Variants in AMZ1 observed in about 807,000 individuals in gnomAD.
AMZ1 encodes the protein archaelysin family metallopeptidase 1, also known as archaemetzincin-1.
Under a neutral mutation model 29.9 loss-of-function variants are expected in AMZ1, and 39 were observed. The ratio of observed to expected loss-of-function variants is 1.30; its 90% CI spans 1.01 to 1.70. The LOEUF is 1.70. AMZ1 is among the 40% of genes most tolerant of loss of function. The pLI, the probability that AMZ1 is intolerant of heterozygous loss-of-function variation, is 0.00. For synonymous variants in AMZ1, 458 were observed against 304.0 expected, an observed-to-expected ratio of 1.51 and a Z score of -5.27; for missense variants, 1,041 against 680.6, an observed-to-expected ratio of 1.53 and a Z score of -5.89.
Position 2,712,436 on chromosome 7 carries a change from T to C in AMZ1, c.1055T>C (p.Met352Thr), listed in dbSNP as rs1390505013. ...DTPPASADSG[M>T]CCESDSEPGT... is the part of the protein sequence containing the mutation. ...CCGCCTGCCAGCGCCGACTCGGGCA[T>C]GTGCTGTGAGAGTGACTCGGAGCCC... is the stretch of plus-strand genomic sequence containing the variant. Residue 352 changes from methionine (M) to threonine (T), a missense_variant, in exon 7 of 7, where the codon ATG (methionine) becomes ACG (threonine). Physicochemically the swap from Met to Thr is moderately conservative, Grantham distance 81. Transcript: ENST00000683327. 2 of 1,612,022 alleles carry C rather than the reference T, an allele frequency of 1.2e-6. No homozygotes were observed. The highest frequency in any genetic ancestry group is 2.2e-5 in the South Asian group (2 of 91,040).
At chr7:2,729,919 A>G (rs1346890683) in intron 4 of AMZ1, 1 of 152,390 alleles carries the variant, frequency 6.6e-6, no homozygotes, top group East Asian at 1.9e-4. Context: ...GCTCGTATCA[A>G]CATTCACAGG....
chr7:2,682,199 C>T (rs556170392), intron 1 of AMZ1, among the ~76,000 whole-genome samples: 7 of 151,984 alleles, frequency 4.6e-5, no homozygotes, highest in Non-Finnish European at 1.0e-4. Flanking sequence ...TCTGGGAGCT[C>T]GCCCTGCTTG....
chr7:2,701,844 C>G lies in AMZ1; in HGVS notation c.305-878C>G, dbSNP rs115999735. Among the ~76,000 whole-genome samples, 6 of 152,338 alleles carry G rather than the reference C, an allele frequency of 3.9e-5. No homozygotes were observed. In the East Asian group the frequency reaches 1.2e-3, roughly 29 times the overall value. On this transcript the variant is annotated intron_variant, in intron 2 of 6. Transcript: ENST00000683327. The stretch of plus-strand genomic sequence containing the variant: ...TCAGGACCCAAATCCTGCGGGTGTC[C>G]GTTGGTCTCAGCATCCACCACCCCA...
intron 1 of AMZ1, among the ~76,000 whole-genome samples, chr7:2,698,594 T>C (rs798476): frequency 0.59 from 89,876 of 151,616 alleles, 28,168 homozygotes; most frequent in African/African-American, 0.82. Context: ...TGACGCACTT[T>C]GGGAGGTTGA....
intron 1 of AMZ1, among the ~76,000 whole-genome samples, chr7:2,689,365 C>T (rs958214330): frequency 1.4e-5 from 2 of 141,438 alleles, no homozygotes; most frequent in African/African-American, 5.0e-5. Flanking sequence ...GCGGCAGAAC[C>T]TCCCTGGGGG....
rs1419260370 is a variant in AMZ1 at position 2,715,255 on chromosome 7, G to A, written c.*2377G>A. The A allele has an allele frequency of 2.6e-5, 4 of 152,470 alleles. No homozygotes were observed. The highest frequency in any genetic ancestry group is 2.6e-4 in the Admixed American group (4 of 15,294). 9.4% of individuals were successfully genotyped at this position (152,470 alleles called of 1,614,324 possible). ...ACGGGGAGGGGACGTGGCAGGGAAT[G>A]TGAGACAACACAATATTGCTGTGGC... On this transcript the variant is annotated 3_prime_UTR_variant, in exon 7 of 7. Coordinates refer to ENST00000683327, the MANE Select transcript of AMZ1 (RefSeq NM_001384743.1).
At chr7:2,720,938 C>T (rs1191951492), downstream of AMZ1, among the ~76,000 whole-genome samples, 1 of 152,198 alleles carries the variant, frequency 6.6e-6, no homozygotes, top group East Asian at 1.9e-4. Context: ...CTCGGGCTCA[C>T]GAAGTGCCTG....
intron 4 of AMZ1, among the ~76,000 whole-genome samples, chr7:2,737,292 T>TTG (rs1282367901): frequency 2.6e-5 from 3 of 114,706 alleles, no homozygotes; most frequent in Non-Finnish European, 3.7e-5. Flanking sequence ...TTTTTTTGTT[T>TTG]TTTTTTTTTT....
At position 2,712,981 on chromosome 7, in the gene AMZ1, T is replaced by G; in HGVS notation, c.*103T>G. On this transcript the variant is annotated 3_prime_UTR_variant, in exon 7 of 7. Transcript: ENST00000683327. ...CTGCCAGGGATAAAGAGGAAGGGTC[T>G]GCCTGGGTGGTGGCTCAGGCCTGTC... 1 of 1,298,176 alleles carries G rather than the reference T, an allele frequency of 7.7e-7. No homozygotes were observed. Among genetic ancestry groups the G allele is most frequent in the Non-Finnish European group, 1.0e-6 (1 of 996,566 alleles). The allele number at this position is 1,298,176 out of a possible 1,614,324, so 80.4% of individuals were successfully genotyped here. A position where few individuals can be genotyped will look rare whatever the true frequency, so the allele number is the denominator to read the frequency against.
chr7:2,740,326 AG>A (rs1790435757), intron 4 of AMZ1, among the ~76,000 whole-genome samples: 2 of 152,246 alleles, frequency 1.3e-5, no homozygotes, highest in African/African-American at 4.8e-5. Flanking sequence ...AGGTGACTGA[AG>A]GTAGGGACCT....
At chr7:2,688,481 G>A (rs1002693194) in intron 1 of AMZ1, among the ~76,000 whole-genome samples, 185 bp downstream of exon 1, 1 of 152,118 alleles carries the variant, frequency 6.6e-6, no homozygotes, top group Non-Finnish European at 1.5e-5. Flanking sequence ...CTTGGCGAGG[G>A]TTTGGTGCAG....
downstream of AMZ1, among the ~76,000 whole-genome samples, chr7:2,724,154 C>T (rs972583703): frequency 1.2e-4 from 18 of 152,176 alleles, no homozygotes; most frequent in Non-Finnish European, 1.6e-4. Context: ...CTCCTGACCT[C>T]GTGATCCACC....
chr7:2,724,736 T>C (rs1789554072), intron 4 of AMZ1, among the ~76,000 whole-genome samples: 1 of 152,204 alleles, frequency 6.6e-6, no homozygotes, highest in Non-Finnish European at 1.5e-5. Context: ...GGTGGAGCTG[T>C]TTCTACTACT....
At position 2,744,721 on chromosome 7, in the gene AMZ1, G is replaced by C. The variant is rs541619766; in HGVS notation, n.551-19991G>C. 1.6e-4 allele frequency among the ~76,000 whole-genome samples: 25 copies of C among 152,276 alleles called. No individual in the cohort carries two copies. The South Asian group carries it at 4.8e-3, about 29-fold the overall frequency. On this transcript the variant is annotated intron_variant and non_coding_transcript_variant, in intron 4 of 4. Transcript: ENST00000489665. ...AGGCTTCAGACAATCAAACTACTCT[G>C]AGCTACAGGAGGAAGTTCGAACCAA...
At chr7:2,696,459 A>C (rs113637655) in intron 1 of AMZ1, among the ~76,000 whole-genome samples, 1,787 of 148,780 alleles carry the variant, frequency 0.012, 18 homozygotes, top group Non-Finnish European at 0.021. Context: ...GGGTTTCACC[A>C]TGTTAGCCAG....
chr7:2,729,867 T>G (rs1308895194), intron 4 of AMZ1: 2 of 152,442 alleles, frequency 1.3e-5, no homozygotes, highest in Non-Finnish European at 2.9e-5. Context: ...GAAAGCCACC[T>G]GGCAGGTAGC....
At chr7:2,690,696 T>A (rs1458278044) in intron 1 of AMZ1, among the ~76,000 whole-genome samples, 1 of 152,150 alleles carries the variant, frequency 6.6e-6, no homozygotes, top group Non-Finnish European at 1.5e-5. Flanking sequence ...GTGCGTGTGC[T>A]CTGGTCCCCT....
intron 4 of AMZ1, among the ~76,000 whole-genome samples, chr7:2,751,233 A>G (rs1319972417): frequency 1.3e-5 from 2 of 151,964 alleles, no homozygotes; most frequent in South Asian, 2.1e-4. Flanking sequence ...AAAAAACCCC[A>G]AAGTTAGCCG....
chr7:2,745,468 C>T (rs1583226543), intron 4 of AMZ1, among the ~76,000 whole-genome samples: 1 of 152,144 alleles, frequency 6.6e-6, no homozygotes, highest in East Asian at 1.9e-4. Flanking sequence ...CAAGCAAATG[C>T]TGAGAGATTT....
Sources: gnomAD v4.1 joint callset for allele counts (sites outside exome capture counted in the v4.1 genomes callset) on GRCh38, gnomAD v4.1.1 for gene constraint, MANE v1.5 for transcripts, NCBI Gene and HGNC (gene_info 2026-07-23, HGNC 2026-07-21) for gene names.